The following NOS1AP variants were observed in gnomAD, a reference collection of about 807,000 sequenced individuals.
NOS1AP encodes the protein carboxyl-terminal PDZ ligand of neuronal nitric oxide synthase protein.
In NOS1AP, 21 loss-of-function variants were observed where a neutral mutation model predicts 56.2. The observed-to-expected ratio is 0.37, with a 90% CI of 0.26 to 0.54. NOS1AP has a LOEUF of 0.54. Ranked by LOEUF, NOS1AP falls within the 20% of genes least tolerant of loss-of-function variation. The pLI, the probability that NOS1AP is intolerant of heterozygous loss-of-function variation, is 0.84. For synonymous variants in NOS1AP, 270 were observed against 274.6 expected (o/e 0.98, Z 0.17); for missense variants, 522 against 657.8 (o/e 0.79, Z 2.26).
At chr1:162,265,633 C>G (rs1315338357) in intron 2 of NOS1AP, among the ~76,000 whole-genome samples, 1 of 151,978 alleles carries the variant, frequency 6.6e-6, no homozygotes, top group African/African-American at 2.4e-5. Flanking sequence ...TTGTGGGGTT[C>G]TTTGCCATGT....
intron 2 of NOS1AP, among the ~76,000 whole-genome samples, chr1:162,180,434 C>T (rs1037526027): frequency 2.0e-5 from 3 of 151,982 alleles, no homozygotes; most frequent in East Asian, 3.9e-4. Context: ...TTAGTAGAGG[C>T]GCGCTTTCAC....
At chr1:162,095,220 A>G (rs934245587) in intron 1 of NOS1AP, among the ~76,000 whole-genome samples, 5 of 152,172 alleles carry the variant, frequency 3.3e-5, no homozygotes, top group African/African-American at 7.2e-5. Flanking sequence ...GTGTGATGCT[A>G]TTTGGAGGTG....
chr1:162,158,465 T>C (rs772658551), intron 2 of NOS1AP, among the ~76,000 whole-genome samples: 1 of 152,190 alleles, frequency 6.6e-6, no homozygotes, highest in Non-Finnish European at 1.5e-5. Context: ...GGTATGTAAA[T>C]ATCTTTTTGA....
chr1:162,281,465 A>C (rs1201112294), intron 2 of NOS1AP, among the ~76,000 whole-genome samples: 2 of 152,196 alleles, frequency 1.3e-5, no homozygotes, highest in Non-Finnish European at 1.5e-5. Flanking sequence ...ATAAATAATC[A>C]ACCAATCAAC....
At chr1:162,127,566 C>T (rs1010284290) in intron 1 of NOS1AP, among the ~76,000 whole-genome samples, 1 of 150,966 alleles carries the variant, frequency 6.6e-6, no homozygotes, top group African/African-American at 2.4e-5. Context: ...CACAGTTCTG[C>T]AAACTGTATA....
At chr1:162,363,392 C>T (rs1202800894) in intron 8 of NOS1AP, 1 of 152,658 alleles carries the variant, frequency 6.6e-6, no homozygotes, top group African/African-American at 2.4e-5. Context: ...CCATGCCCTC[C>T]CAACGTGCAC....
At chr1:162,289,567 C>T (rs1655219536) in intron 3 of NOS1AP, among the ~76,000 whole-genome samples, 1 of 145,716 alleles carries the variant, frequency 6.9e-6, no homozygotes, top group East Asian at 2.1e-4. Flanking sequence ...CTCCGCCTCC[C>T]GGGTTCACGC....
At chr1:162,215,814 G>T (rs1316080837) in intron 2 of NOS1AP, among the ~76,000 whole-genome samples, 1 of 152,240 alleles carries the variant, frequency 6.6e-6, no homozygotes, top group Non-Finnish European at 1.5e-5. Context: ...ATTTAAAGAT[G>T]ATAAATCTTT....
chr1:162,221,029 C>T (rs933348092), intron 2 of NOS1AP, among the ~76,000 whole-genome samples: 1 of 152,176 alleles, frequency 6.6e-6, no homozygotes, highest in Non-Finnish European at 1.5e-5. Flanking sequence ...GCAACCTCCA[C>T]CTCTCGGGTT....
intron 2 of NOS1AP, among the ~76,000 whole-genome samples, chr1:162,241,141 G>A (rs1157869999): frequency 6.6e-6 from 1 of 152,172 alleles, no homozygotes; most frequent in Non-Finnish European, 1.5e-5. Flanking sequence ...TAGCATGGAA[G>A]GGAAAGCTTC....
At chr1:162,279,699 TTC>T (rs1447289094) in intron 2 of NOS1AP, among the ~76,000 whole-genome samples, 25 of 152,216 alleles carry the variant, frequency 1.6e-4, no homozygotes, top group African/African-American at 5.1e-4. Flanking sequence ...TCTTCTTGCT[TTC>T]TGTTATAAAA....
intron 4 of NOS1AP, among the ~76,000 whole-genome samples, chr1:162,321,731 A>AATATATATATAT (rs66879950): frequency 4.0e-4 from 52 of 128,484 alleles, no homozygotes; most frequent in Non-Finnish European, 4.0e-4. Flanking sequence ...AAAAAAAAAA[A>AATATATATATAT]ATATATATAT....
chr1:162,191,325 G>C (rs1651637385), intron 2 of NOS1AP, among the ~76,000 whole-genome samples: 2 of 152,130 alleles, frequency 1.3e-5, no homozygotes, highest in East Asian at 3.8e-4. Context: ...CCTGGGGTAG[G>C]GTTTCTTCCT....
intron 1 of NOS1AP, among the ~76,000 whole-genome samples, chr1:162,151,105 T>G (rs1301138035): frequency 6.6e-6 from 1 of 152,226 alleles, no homozygotes; most frequent in Non-Finnish European, 1.5e-5. Context: ...GTCTTAGTTT[T>G]AAGTCTTTAG....
At chr1:162,072,964 G>A (rs983784595) in intron 1 of NOS1AP, among the ~76,000 whole-genome samples, 3 of 152,180 alleles carry the variant, frequency 2.0e-5, no homozygotes. Flanking sequence ...CTCTCCCAAG[G>A]GCTGGCAGTT....
chr1:162,309,409 T>G (rs1219542132), intron 4 of NOS1AP, among the ~76,000 whole-genome samples: 1 of 152,242 alleles, frequency 6.6e-6, no homozygotes, highest in African/African-American at 2.4e-5. Flanking sequence ...AATAATTTTT[T>G]GATGGCAAAA....
chr1:162,362,553 C>A lies in NOS1AP; in HGVS notation c.940-2851C>A, dbSNP rs116253822. Reference sequence around the variant, plus strand: ...TCAATAAGTGCCAGTTAGAGGTATGCAGGATTCTCTACTTTCTTTGTTTAT... The same window carrying A: ...TCAATAAGTGCCAGTTAGAGGTATGAAGGATTCTCTACTTTCTTTGTTTAT... On this transcript the variant is annotated intron_variant, in intron 8 of 9. Coordinates refer to ENST00000361897, the MANE Select transcript of NOS1AP (RefSeq NM_014697.3). 4.7e-3 allele frequency among the ~76,000 whole-genome samples: 721 copies of A among 152,228 alleles called. 8 individuals carry two copies. Among genetic ancestry groups the A allele is most frequent in the African/African-American group, 0.017 (694 of 41,534 alleles).
chr1:162,160,942 G>T (rs964228262), intron 2 of NOS1AP, among the ~76,000 whole-genome samples: 1 of 152,206 alleles, frequency 6.6e-6, no homozygotes, highest in Non-Finnish European at 1.5e-5. Flanking sequence ...TTCTAGAGGA[G>T]AATCTGTTCC....
At chr1:162,326,076 A>C (rs867795267) in intron 4 of NOS1AP, among the ~76,000 whole-genome samples, 1 of 152,336 alleles carries the variant, frequency 6.6e-6, no homozygotes, top group African/African-American at 2.4e-5. Flanking sequence ...ACCCTGAAAG[A>C]TGTTTTTATT....
Sources: gnomAD v4.1 joint callset for allele counts (sites outside exome capture counted in the v4.1 genomes callset) on GRCh38, gnomAD v4.1.1 for gene constraint, MANE v1.5 for transcripts, NCBI Gene and HGNC (gene_info 2026-07-23, HGNC 2026-07-21) for gene names.